ACADVL: variants seen among roughly 807,000 people sequenced by gnomAD.
ACADVL encodes the protein very long-chain acyl-CoA dehydrogenase, mitochondrial.
ACADVL carries 73 observed loss-of-function variants against 80.4 expected under a neutral mutation model. The observed-to-expected ratio is 0.91, with a 90% CI of 0.75 to 1.10. The LOEUF (loss-of-function observed/expected upper bound fraction) is 1.10, where lower values mean the gene tolerates loss of function less well. Among genes scored for constraint, ACADVL ranks in the 50% least tolerant of loss-of-function variants. The probability of loss-of-function intolerance (pLI) is 0.00; values close to 1 mark genes in which losing one functional copy is unlikely to be tolerated. For synonymous variants in ACADVL, 392 were observed against 326.5 expected (o/e 1.20, Z -2.16); for missense variants, 878 against 858.9 (o/e 1.02, Z -0.28).
chr17:7,221,049 C>T lies in ACADVL; in HGVS notation c.468C>T (p.Cys156=), dbSNP rs781005440. 1.2e-6 allele frequency: 2 copies of T among 1,613,704 alleles called. No homozygotes were observed. Among genetic ancestry groups the T allele is most frequent in the Non-Finnish European group, 1.7e-6 (2 of 1,180,028 alleles). Residue 156 remains cysteine, a synonymous_variant, in exon 6 of 20, where the codon TGC becomes TGT. Coordinates refer to ENST00000356839, the MANE Select transcript of ACADVL (RefSeq NM_000018.4). ...VPSELGGVGL[C]NTQYARLVEI... is the part of the protein sequence containing the mutation. The stretch of plus-strand genomic sequence containing the variant: ...GTGAGCTGGGTGGTGTGGGCCTTTG[C>T]AACACCCAGGTGAGGGCGCCCTATC...
At chr17:7,219,890 A>G (rs1056775771), upstream of ACADVL, 7 of 1,523,180 alleles carry the variant, frequency 4.6e-6, no homozygotes, top group Admixed American at 6.0e-5. Flanking sequence ...TGCACTGTGG[A>G]CGATGAGTCA....
chr17:7,217,913 G>GT, upstream of ACADVL: 1 of 1,231,626 alleles, frequency 8.1e-7, no homozygotes, highest in South Asian at 1.3e-5. Context: ...TCGGCAGGCG[G>GT]TAGGGGGTCG....
intron 14 of ACADVL, 24 bp from the exon 15 acceptor site, chr17:7,224,122 C>T: frequency 6.2e-7 from 1 of 1,613,808 alleles, no homozygotes; most frequent in Non-Finnish European, 8.5e-7. Context: ...TGAGTCCTGA[C>T]TGCTGGACCC....
At position 7,224,822 on chromosome 17, in the gene ACADVL, C is replaced by T. The variant is rs533344677; in HGVS notation, c.1765C>T (p.Leu589=). The change falls in exon 19 of 20, where the codon CTG becomes TTG. Residue 589 remains leucine, a synonymous_variant. Transcript: ENST00000356839. ...GCTTCCTGCCAGGGCCTCAAGATCC[C>T]TGAGTGAGGGCCACCCCACGGCCCA... The part of the protein sequence containing the change: ...VVVLSRASRS[L]SEGHPTAQHE... The T allele has an allele frequency of 8.7e-6, 14 of 1,614,016 alleles. No homozygotes were observed. The South Asian group carries it at 1.3e-4, about 15-fold the overall frequency.
upstream of ACADVL, chr17:7,218,697 C>G: frequency 6.5e-7 from 1 of 1,530,546 alleles, no homozygotes; most frequent in Non-Finnish European, 8.9e-7. Flanking sequence ...AAGATGAACA[C>G]ACTGTCACTT....
chr17:7,220,209 C>T lies in ACADVL; in HGVS notation c.138+12C>T. 1 of 1,530,498 alleles carries T rather than the reference C, an allele frequency of 6.5e-7. No homozygotes were observed. Among genetic ancestry groups the T allele is most frequent in the Non-Finnish European group, 8.7e-7 (1 of 1,144,426 alleles). The allele number at this position is 1,530,498 out of a possible 1,614,324, so 94.8% of individuals were successfully genotyped here. A position where few individuals can be genotyped will look rare whatever the true frequency, so the allele number is the denominator to read the frequency against. ...GGGGTGCCGCTCAGGTAAGTCACCGCAGCCTTGGCAAGGGGGTGTGGGAGC... is the reference window on the plus strand; with the variant it reads ...GGGGTGCCGCTCAGGTAAGTCACCGTAGCCTTGGCAAGGGGGTGTGGGAGC... On this transcript the variant is annotated intron_variant, in intron 2 of 19. Transcript: ENST00000356839.
At position 7,224,646 on chromosome 17, in the gene ACADVL, A is replaced by G. The variant is rs1597539259; in HGVS notation, c.1683A>G (p.Glu561=). The G allele has an allele frequency of 7.8e-7, 1 of 1,280,696 alleles. No individual in the cohort carries two copies. Among genetic ancestry groups the G allele is most frequent in the Non-Finnish European group, 1.0e-6 (1 of 970,880 alleles). 79.3% of individuals were successfully genotyped at this position (1,280,696 alleles called of 1,614,324 possible). Residue 561 remains glutamate, a synonymous_variant, in exon 18 of 20, where the codon GAA becomes GAG. Coordinates refer to ENST00000356839, the MANE Select transcript of ACADVL (RefSeq NM_000018.4). The part of the protein sequence containing the change: ...LIKHKKGIVN[E]QFLLQRLADG... ...CCCACCCCACCTACCGGACAGATGA[A>G]CAGTTTCTGCTGCAGCGGCTGGCAG...
intron 2 of ACADVL, 85 bp from the exon 3 acceptor site, chr17:7,220,379 C>T (rs2071137476): frequency 2.5e-6 from 4 of 1,594,764 alleles, no homozygotes; most frequent in South Asian, 2.2e-5. Context: ...CGCTTCGCGC[C>T]GCCTCCCCGC....
At position 7,223,796 on chromosome 17, in the gene ACADVL, C is replaced by G; in HGVS notation, c.1270-17C>G. 4 of 1,614,164 alleles carry G rather than the reference C, an allele frequency of 2.5e-6. No homozygotes were observed. In the Admixed American group the frequency reaches 6.7e-5, roughly 27 times the overall value. Reference sequence around the variant, plus strand: ...GCTCAGCTCCCAAAACCAGTCTCATCTGTTCTTTGTCCCTAGGAGGCAGCC... The same window carrying G: ...GCTCAGCTCCCAAAACCAGTCTCATGTGTTCTTTGTCCCTAGGAGGCAGCC... On this transcript the variant is annotated splice_polypyrimidine_tract_variant and intron_variant, in intron 12 of 19. Transcript: ENST00000356839.
rs2142980423 is a variant in ACADVL, at chr17:7,222,792, A to G, written c.1004A>G (p.His335Arg). 6.2e-7 allele frequency: 1 copy of G among 1,613,978 alleles called. No homozygotes were observed. The highest frequency in any genetic ancestry group is 1.3e-5 in the African/African-American group (1 of 75,002). Residue 335 changes from histidine (H) to arginine (R), a missense_variant, in exon 10 of 20, where the codon CAC (histidine) becomes CGC (arginine). Transcript: ENST00000356839. The part of the protein sequence containing the change: ...EVGSGFKVAM[H>R]ILNNGRFGMA... ...GGGAGTGGCTTCAAGGTTGCCATGC[A>G]CATCCTCAACAATGGAAGGTTTGGC...
chr17:7,221,789 G>C, intron 7 of ACADVL, 107 bp downstream of exon 7: 2 of 1,597,592 alleles, frequency 1.3e-6, no homozygotes, highest in Admixed American at 1.7e-5. Context: ...TCAGTTGGGG[G>C]AAGGTTTTGG....
chr17:7,222,472 C>T (rs777145183), intron 9 of ACADVL, 170 bp downstream of exon 9: 326 of 1,183,102 alleles, frequency 2.8e-4, no homozygotes, highest in Non-Finnish European at 3.6e-4. Flanking sequence ...TTGGCTCCAG[C>T]AACCAAGTCC....
In ACADVL at chr17:7,220,047, GTC is replaced by G; in HGVS notation, c.62+3_62+4del. On this transcript the variant is annotated splice_donor_variant and splice_donor_region_variant and intron_variant, in intron 1 of 19. Transcript: ENST00000356839. LOFTEE classifies it high-confidence loss of function. Reference sequence around the variant, plus strand: ...AGCTGCTGAGGCTCGGGGGCGGAAGGTCTGTGTGTGACAAGAGGGACGGTGGG... The same window carrying G: ...AGCTGCTGAGGCTCGGGGGCGGAAGGTGTGTGTGACAAGAGGGACGGTGGG... 6.2e-7 allele frequency: 1 copy of G among 1,603,242 alleles called. No homozygotes were observed. The highest frequency in any genetic ancestry group is 8.5e-7 in the Non-Finnish European group (1 of 1,178,832).
chr17:7,219,010 C>T (rs2071065302), upstream of ACADVL: 1 of 734,640 alleles, frequency 1.4e-6, no homozygotes, highest in Admixed American at 2.1e-5. Context: ...CCATCTTGCT[C>T]CACACACCCT....
At chr17:7,217,893 G>A, upstream of ACADVL, 2 of 1,413,016 alleles carry the variant, frequency 1.4e-6, no homozygotes, top group South Asian at 1.2e-5. Flanking sequence ...GAATACGGGA[G>A]GGAGGCCTCT....
upstream of ACADVL, chr17:7,217,302 TGGA>T: frequency 9.3e-6 from 7 of 750,558 alleles, no homozygotes; most frequent in Non-Finnish European, 1.1e-5. Context: ...AGGAGGGGGT[TGGA>T]GAAGGGAAGG....
rs924345938 is a variant in ACADVL, at chr17:7,221,583, G to A, written c.523G>A (p.Gly175Ser). ...EIVGMHDLGV[G>S]ITLGAHQSIG... ...CGTGGGCATGCATGACCTTGGCGTG[G>A]GCATTACCCTGGGGGCCCATCAGAG... Residue 175 changes from glycine to serine, a missense_variant, in exon 7 of 20, where the codon GGC (glycine) becomes AGC (serine). By Grantham distance (56) the Gly-to-Ser change is moderately conservative (BLOSUM62 0). Transcript: ENST00000356839. 1 of 1,613,902 alleles carries A rather than the reference G, an allele frequency of 6.2e-7. No homozygotes were observed. The highest frequency in any genetic ancestry group is 8.5e-7 in the Non-Finnish European group (1 of 1,180,016).
Position 7,224,376 on chromosome 17 carries a change from A to G in ACADVL, c.1588A>G (p.Ser530Gly). The change falls in exon 16 of 20, where the codon AGT (serine) becomes GGT (glycine). Residue 530 changes from serine to glycine, a missense_variant. Coordinates refer to ENST00000356839, the MANE Select transcript of ACADVL (RefSeq NM_000018.4). Reference sequence around the variant, plus strand: ...CAGCGGACTTGTCCACCCGGAGTTGAGTCGGAGTGGCGAGCTGGTAAGTGG... The same window carrying G: ...CAGCGGACTTGTCCACCCGGAGTTGGGTCGGAGTGGCGAGCTGGTAAGTGG... ...SLSGLVHPEL[S>G]RSGELAVRAL... 1 of 1,613,774 alleles carries G rather than the reference A, an allele frequency of 6.2e-7. No homozygotes were observed. Among genetic ancestry groups the G allele is most frequent in the Non-Finnish European group, 8.5e-7 (1 of 1,179,918 alleles).
At chr17:7,219,457 G>T, upstream of ACADVL, 1 of 1,029,134 alleles carries the variant, frequency 9.7e-7, no homozygotes, top group Non-Finnish European at 1.2e-6. Context: ...CATCTCAGAA[G>T]AATACACTTA....
Sources: allele counts gnomAD v4.1 joint callset, GRCh38; gene constraint gnomAD v4.1.1; transcripts MANE v1.5; gene names NCBI Gene and HGNC (gene_info 2026-07-23, HGNC 2026-07-21).